NYAP2: variants seen among roughly 807,000 people sequenced by gnomAD.
NYAP2 encodes neuronal tyrosine-phosphorylated phosphoinositide-3-kinase adapter 2.
In NYAP2, 23 loss-of-function variants were observed where a neutral mutation model predicts 50.4. The ratio of observed to expected loss-of-function variants is 0.46; its 90% CI spans 0.33 to 0.65. The LOEUF (loss-of-function observed/expected upper bound fraction) is 0.65. Ranked by LOEUF, NYAP2 falls within the 30% of genes least tolerant of loss-of-function variation. The pLI, the probability that NYAP2 is intolerant of heterozygous loss-of-function variation, is 0.02. For synonymous variants in NYAP2, 394 were observed against 365.2 expected (o/e 1.08, Z -0.90); for missense variants, 885 against 861.0 (o/e 1.03, Z -0.35).
At chr2:225,569,992 A>C (rs1335452118) in intron 4 of NYAP2, among the ~76,000 whole-genome samples, 3 of 152,198 alleles carry the variant, frequency 2.0e-5, no homozygotes, top group Non-Finnish European at 4.4e-5. Context: ...AGCCTGTAGT[A>C]GTAGAGCTGA....
chr2:225,631,159 T>G (rs1400121114), intron 6 of NYAP2, among the ~76,000 whole-genome samples: 8 of 152,220 alleles, frequency 5.3e-5, no homozygotes, highest in Admixed American at 3.9e-4. Context: ...TAAACTTTTT[T>G]GAACACTTAG....
At chr2:225,643,559 G>T (rs1693570689) in intron 6 of NYAP2, among the ~76,000 whole-genome samples, 1 of 151,312 alleles carries the variant, frequency 6.6e-6, no homozygotes, top group African/African-American at 2.4e-5. Flanking sequence ...TTGTCATCTA[G>T]CATTAGGTAT....
At chr2:225,457,671 T>G (rs1304057601) in intron 3 of NYAP2, among the ~76,000 whole-genome samples, 1 of 152,240 alleles carries the variant, frequency 6.6e-6, no homozygotes, top group African/African-American at 2.4e-5. Flanking sequence ...ACTGAACAGA[T>G]GACTCAATTA....
chr2:225,641,907 G>C (rs1224809133), intron 6 of NYAP2, among the ~76,000 whole-genome samples: 1 of 151,898 alleles, frequency 6.6e-6, no homozygotes. Context: ...GAGAAACATG[G>C]CTTTTTATCC....
At chr2:225,653,502 T>C (rs1204113163) in exon 7 of NYAP2, 1 of 152,228 alleles carries the variant, frequency 6.6e-6, no homozygotes, top group Non-Finnish European at 1.5e-5. Flanking sequence ...CGCCTTTATA[T>C]GCTGTTAGTT....
chr2:225,407,825 A>G (rs1359464531), intron 2 of NYAP2, among the ~76,000 whole-genome samples: 1 of 151,920 alleles, frequency 6.6e-6, no homozygotes, highest in African/African-American at 2.4e-5. Flanking sequence ...TTAATATGCA[A>G]TTAGGACAGT....
chr2:225,600,386 G>A (rs1192375010), intron 5 of NYAP2, among the ~76,000 whole-genome samples: 4 of 152,172 alleles, frequency 2.6e-5, no homozygotes, highest in Non-Finnish European at 1.5e-5. Context: ...TCAGAATCTT[G>A]TAGCCTCCAG....
intron 3 of NYAP2, among the ~76,000 whole-genome samples, chr2:225,416,803 T>C (rs529693939): frequency 6.6e-6 from 1 of 152,258 alleles, no homozygotes; most frequent in East Asian, 1.9e-4. Flanking sequence ...AATAGACAGA[T>C]GTTGGCAAGA....
chr2:225,448,153 C>G (rs1314193924), intron 3 of NYAP2, among the ~76,000 whole-genome samples: 1 of 152,168 alleles, frequency 6.6e-6, no homozygotes. Flanking sequence ...GCAAAGAAAG[C>G]ACTTTGGTGG....
chr2:225,478,540 T>C (rs1247691753), intron 3 of NYAP2, among the ~76,000 whole-genome samples: 2 of 152,188 alleles, frequency 1.3e-5, no homozygotes, highest in Admixed American at 6.5e-5. Context: ...TCTTGGACCA[T>C]AAGACAGGTT....
the NYAP2 span, among the ~76,000 whole-genome samples, chr2:225,675,314 G>A: frequency 6.8e-4 from 104 of 151,966 alleles, 1 homozygote; most frequent in Non-Finnish European, 5.9e-5. Context: ...CCCGTCTAGT[G>A]ATCCCTAGTG....
At chr2:225,510,285 A>G (rs1458046099) in intron 3 of NYAP2, among the ~76,000 whole-genome samples, 2 of 152,090 alleles carry the variant, frequency 1.3e-5, no homozygotes, top group Non-Finnish European at 2.9e-5. Context: ...CCTCTTCCTG[A>G]TTGCTTCTAA....
chr2:225,669,237 A>G, the NYAP2 span, among the ~76,000 whole-genome samples: 1 of 152,072 alleles, frequency 6.6e-6, no homozygotes, highest in Non-Finnish European at 1.5e-5. Flanking sequence ...TCATGACTCT[A>G]TCTCTTTCTT....
At chr2:225,470,825 G>GTGTATATA (rs151090508) in intron 3 of NYAP2, among the ~76,000 whole-genome samples, 4 of 151,692 alleles carry the variant, frequency 2.6e-5, no homozygotes, top group African/African-American at 9.7e-5. Context: ...GTGTGTGTGT[G>GTGTATATA]TATATATATT....
At chr2:225,402,860 A>G (rs995149755) in intron 2 of NYAP2, among the ~76,000 whole-genome samples, 8 of 151,992 alleles carry the variant, frequency 5.3e-5, no homozygotes, top group Middle Eastern at 3.4e-3. Flanking sequence ...TTGACAAATT[A>G]TAAGATTTTA....
In NYAP2 at chr2:225,540,260, G is replaced by T. The variant is rs1475385198; in HGVS notation, c.523+26588G>T. Among the ~76,000 whole-genome samples the T allele has an allele frequency of 5.9e-5, 9 of 152,234 alleles. No homozygotes were observed. The East Asian group carries it at 1.7e-3, about 29-fold the overall frequency. On this transcript the variant is annotated intron_variant, in intron 4 of 6. Coordinates refer to ENST00000636099, the Ensembl canonical transcript of NYAP2. ...CTTATTCAGATATCTTTTCAGGATTGCCCTACTCTACTAGAACCAATTTAC... is the reference window on the plus strand; with the variant it reads ...CTTATTCAGATATCTTTTCAGGATTTCCCTACTCTACTAGAACCAATTTAC...
rs1692307221 is a variant in NYAP2, at chr2:225,582,494, G to A, written c.1077G>A (p.Glu359=). 5 of 1,548,610 alleles carry A rather than the reference G, an allele frequency of 3.2e-6. No individual in the cohort carries two copies. In the African/African-American group the frequency reaches 7.1e-5, roughly 22 times the overall value. The change falls in exon 5 of 7, where the codon GAG becomes GAA. Residue 359 remains glutamate, a synonymous_variant. Coordinates refer to ENST00000636099, the Ensembl canonical transcript of NYAP2. This position sits in a 1 kb window ranked among gnomAD's most constrained non-coding sequence, Gnocchi z 7.0. ...ACGAGTCCCCGCTTACCCCTCTGGA[G>A]GTCACGAAGCTTCCCGTGCTGGAAA...
At chr2:225,540,871 C>T (rs929734773) in intron 4 of NYAP2, among the ~76,000 whole-genome samples, 1 of 152,084 alleles carries the variant, frequency 6.6e-6, no homozygotes, top group South Asian at 2.1e-4. Context: ...AAAGTGTTCT[C>T]CATAATGGTT....
chr2:225,442,966 C>T (rs1212426212), intron 3 of NYAP2, among the ~76,000 whole-genome samples: 1 of 152,186 alleles, frequency 6.6e-6, no homozygotes, highest in Non-Finnish European at 1.5e-5. Context: ...AAAGGCACAT[C>T]TTACATGGTG....
Sources: allele counts gnomAD v4.1 joint callset (sites outside exome capture counted in the v4.1 genomes callset), GRCh38; gene constraint gnomAD v4.1.1; non-coding constraint Gnocchi (gnomAD v3.1); transcripts MANE v1.5; gene names NCBI Gene and HGNC (gene_info 2026-07-23, HGNC 2026-07-21).